ZFHX3: variants seen among roughly 807,000 people sequenced by gnomAD.
ZFHX3 encodes the protein zinc finger homeobox 3.
ZFHX3 carries 42 observed loss-of-function variants against 279.1 expected under a neutral mutation model. That is an observed-to-expected ratio of 0.15 (90% CI 0.12 to 0.19). The LOEUF is 0.19. Among genes scored for constraint, ZFHX3 ranks in the 10% least tolerant of loss-of-function variants. The probability of loss-of-function intolerance (pLI) is 1.00; values close to 1 mark genes in which losing one functional copy is unlikely to be tolerated. For synonymous variants in ZFHX3, 2,293 were observed against 1,957.8 expected (o/e 1.17, Z -4.52); for missense variants, 4,981 against 4,754.0 (o/e 1.05, Z -1.40).
At chr16:73,842,113 G>C (rs1374180132) in intron 1 of ZFHX3, among the ~76,000 whole-genome samples, 1 of 152,004 alleles carries the variant, frequency 6.6e-6, no homozygotes, top group East Asian at 1.9e-4. Context: ...CTACTTGGGA[G>C]GCTGAGGCAG....
intron 5 of ZFHX3, among the ~76,000 whole-genome samples, chr16:73,183,128 C>T (rs987450085): frequency 9.9e-5 from 15 of 152,114 alleles, no homozygotes; most frequent in Non-Finnish European, 1.9e-4. Context: ...TTGCTTGAAC[C>T]CAGGAAGCAG....
chr16:72,958,542 A>G lies in ZFHX3; in HGVS notation c.1604T>C (p.Leu535Ser), dbSNP rs1199727272. The change falls in exon 2 of 10, where the codon TTA (leucine) becomes TCA (serine). Residue 535 changes from leucine (L) to serine (S), a missense_variant. Leu to Ser is a moderately radical substitution (Grantham distance 145, BLOSUM62 -2). Coordinates refer to ENST00000268489, the MANE Select transcript of ZFHX3 (RefSeq NM_006885.4). ...CAGGGTCTGGAGCACGTTAGGCATT[A>G]AGGGGGAGTTAGAAATGCTTTGGTT... Reference protein sequence around the residue: ...LSNQSISNSPLMPNVLQTLSR... With the variant: ...LSNQSISNSPSMPNVLQTLSR... 3 of 1,614,120 alleles carry G rather than the reference A, an allele frequency of 1.9e-6. No individual in the cohort carries two copies. The East Asian group carries it at 6.7e-5, about 36-fold the overall frequency.
intron 2 of ZFHX3, among the ~76,000 whole-genome samples, chr16:73,473,729 A>C (rs2018715701): frequency 6.6e-6 from 1 of 152,236 alleles, no homozygotes; most frequent in African/African-American, 2.4e-5. Flanking sequence ...AAGCTGTCTT[A>C]AATGCTAAAA....
At chr16:73,464,647 A>G (rs542517115) in intron 2 of ZFHX3, among the ~76,000 whole-genome samples, 33 of 152,090 alleles carry the variant, frequency 2.2e-4, no homozygotes, top group Non-Finnish European at 3.7e-4. Context: ...CTTTTAGAGG[A>G]GAGCTTCAAT....
intron 1 of ZFHX3, among the ~76,000 whole-genome samples, chr16:73,814,568 C>CTTT (rs1242558367): frequency 1.4e-5 from 2 of 141,882 alleles, no homozygotes; most frequent in Non-Finnish European, 3.1e-5. Context: ...TAGTTCACAA[C>CTTT]TTTTTTTTTT....
intron 7 of ZFHX3, among the ~76,000 whole-genome samples, chr16:73,115,387 A>G (rs1966419648): frequency 6.6e-6 from 1 of 151,352 alleles, no homozygotes; most frequent in African/African-American, 2.4e-5. Context: ...CAAAAAAAAA[A>G]AAAAAAAAAA....
intron 3 of ZFHX3, among the ~76,000 whole-genome samples, chr16:73,447,121 C>T (rs931264044): frequency 2.0e-5 from 3 of 149,148 alleles, no homozygotes; most frequent in African/African-American, 7.5e-5. Flanking sequence ...GCGGAGCTTG[C>T]AGTCAGCCGA....
chr16:73,141,078 C>T (rs950684703), intron 6 of ZFHX3, among the ~76,000 whole-genome samples: 6 of 152,256 alleles, frequency 3.9e-5, no homozygotes, highest in Admixed American at 2.0e-4. Flanking sequence ...CCTCCCCAGT[C>T]GGGCTGTGAA....
intron 1 of ZFHX3, among the ~76,000 whole-genome samples, chr16:73,850,595 T>C (rs1961570011): frequency 6.6e-6 from 1 of 152,178 alleles, no homozygotes; most frequent in South Asian, 2.1e-4. Flanking sequence ...TCTCCTTTCA[T>C]TCCCATCCCA....
intron 4 of ZFHX3, among the ~76,000 whole-genome samples, chr16:73,300,286 G>C (rs1243365869): frequency 9.1e-6 from 1 of 109,552 alleles, no homozygotes; most frequent in African/African-American, 3.5e-5. Context: ...AAAAAAAAAG[G>C]ACTCCCTGAA....
At chr16:73,852,632 A>C (rs1007763840) in intron 1 of ZFHX3, among the ~76,000 whole-genome samples, 4 of 152,188 alleles carry the variant, frequency 2.6e-5, no homozygotes, top group African/African-American at 9.6e-5. Context: ...CTCATAACAC[A>C]ATCTCAGGTC....
intron 1 of ZFHX3, among the ~76,000 whole-genome samples, chr16:72,964,497 G>A (rs1252868535): frequency 6.6e-6 from 1 of 152,014 alleles, no homozygotes; most frequent in Admixed American, 6.6e-5. Flanking sequence ...TAGGGAATGA[G>A]GTATAGGTGA....
At chr16:73,159,988 C>G (rs1967189168) in intron 5 of ZFHX3, among the ~76,000 whole-genome samples, 1 of 152,150 alleles carries the variant, frequency 6.6e-6, no homozygotes, top group Non-Finnish European at 1.5e-5. Flanking sequence ...GTCTCGAACT[C>G]CTGACCTCAA....
At chr16:73,240,316 T>G (rs1265402322) in intron 5 of ZFHX3, among the ~76,000 whole-genome samples, 1 of 152,000 alleles carries the variant, frequency 6.6e-6, no homozygotes, top group Non-Finnish European at 1.5e-5. Flanking sequence ...CCTCCTGGGT[T>G]CAAGTGATTC....
intron 1 of ZFHX3, among the ~76,000 whole-genome samples, chr16:73,012,733 T>C (rs1311181549): frequency 1.3e-5 from 2 of 152,214 alleles, no homozygotes; most frequent in Non-Finnish European, 2.9e-5. Flanking sequence ...CTGGCACGAA[T>C]GATATAATCT....
intron 3 of ZFHX3, among the ~76,000 whole-genome samples, chr16:73,424,950 A>G (rs2017785753): frequency 1.3e-5 from 2 of 152,198 alleles, no homozygotes; most frequent in South Asian, 4.1e-4. Context: ...GGAGCTTTCT[A>G]AAGCAGGACA....
At chr16:73,013,032 A>T (rs1963968337) in intron 1 of ZFHX3, among the ~76,000 whole-genome samples, 1 of 152,198 alleles carries the variant, frequency 6.6e-6, no homozygotes, top group African/African-American at 2.4e-5. Flanking sequence ...TAAGCCATCA[A>T]CTAGCAACTG....
chr16:73,376,750 C>T (rs1322903230), intron 3 of ZFHX3, among the ~76,000 whole-genome samples: 1 of 152,110 alleles, frequency 6.6e-6, no homozygotes, highest in East Asian at 1.9e-4. Context: ...TGTCAATGGA[C>T]GACATAGTAG....
intron 1 of ZFHX3, among the ~76,000 whole-genome samples, chr16:73,749,967 G>T (rs1051519623): frequency 6.6e-6 from 1 of 152,204 alleles, no homozygotes; most frequent in African/African-American, 2.4e-5. Context: ...CCTCAGAGCA[G>T]TAAACAGGCT....
Sources: allele counts gnomAD v4.1 joint callset (sites outside exome capture counted in the v4.1 genomes callset), GRCh38; gene constraint gnomAD v4.1.1; transcripts MANE v1.5; gene names NCBI Gene and HGNC (gene_info 2026-07-23, HGNC 2026-07-21).